Variants in PDXDC1 observed in about 807,000 individuals in gnomAD.
The protein encoded by PDXDC1 is pyridoxal dependent decarboxylase domain containing 1, also known as pyridoxal-dependent decarboxylase domain-containing protein 1.
PDXDC1 carries 42 observed loss-of-function variants against 100.1 expected under a neutral mutation model. The observed-to-expected ratio is 0.42, with a 90% CI of 0.33 to 0.54. PDXDC1 has a LOEUF of 0.54. Among genes scored for constraint, PDXDC1 ranks in the 20% least tolerant of loss-of-function variants. The probability of loss-of-function intolerance (pLI) is 0.10; values close to 1 mark genes in which losing one functional copy is unlikely to be tolerated. For synonymous variants in PDXDC1, 260 were observed against 371.7 expected, an observed-to-expected ratio of 0.70 and a Z score of 3.46; for missense variants, 636 against 979.2, an observed-to-expected ratio of 0.65 and a Z score of 4.68.
downstream of PDXDC1, among the ~76,000 whole-genome samples, chr16:15,042,853 C>A (rs1355710071): frequency 6.6e-6 from 1 of 151,790 alleles, no homozygotes; most frequent in Non-Finnish European, 1.5e-5. Flanking sequence ...CTGCCTCAGC[C>A]TCCTGAATAG....
rs1013876886 is a variant in PDXDC1, at chr16:15,037,120, T to G, written c.*845T>G. The G allele has an allele frequency of 6.6e-6, 1 of 152,228 alleles. No homozygotes were observed. Among genetic ancestry groups the G allele is most frequent in the South Asian group, 2.1e-4 (1 of 4,834 alleles). The allele number at this position is 152,228 out of a possible 1,614,324, so 9.4% of individuals were successfully genotyped here. ...TAAAATCTGAAAACAAGTACCCCTT[T>G]GACCTGTCTCCCACTGAAGCTTCTA... On this transcript the variant is annotated 3_prime_UTR_variant, in exon 23 of 23. Coordinates refer to ENST00000396410, the MANE Select transcript of PDXDC1 (RefSeq NM_015027.4).
chr16:14,993,968 TCG>T (rs774492083), intron 1 of PDXDC1, among the ~76,000 whole-genome samples: 4 of 152,304 alleles, frequency 2.6e-5, no homozygotes, highest in Non-Finnish European at 5.9e-5. Context: ...TTCATATCCT[TCG>T]CCCACTTTTT....
chr16:15,059,111 A>T (rs2044625007), intron 16 of PDXDC1, among the ~76,000 whole-genome samples: 1 of 152,188 alleles, frequency 6.6e-6, no homozygotes, highest in African/African-American at 2.4e-5. Flanking sequence ...CCTTCGAATC[A>T]CCAGGGGGCT....
At chr16:15,093,150 A>C (rs566019092) in intron 16 of PDXDC1, among the ~76,000 whole-genome samples, 1 of 152,126 alleles carries the variant, frequency 6.6e-6, no homozygotes, top group Non-Finnish European at 1.5e-5. Context: ...GATTACAGGC[A>C]CCTGCCACCA....
intron 16 of PDXDC1, chr16:15,083,385 T>A: frequency 7.0e-7 from 1 of 1,427,712 alleles, no homozygotes; most frequent in South Asian, 1.3e-5. Flanking sequence ...GGCGACAGAG[T>A]GAGACTCGGT....
At chr16:14,984,116 T>C (rs1304655629) in intron 1 of PDXDC1, among the ~76,000 whole-genome samples, 6 of 152,162 alleles carry the variant, frequency 3.9e-5, no homozygotes, top group Admixed American at 3.3e-4. Flanking sequence ...GGAGCCACGA[T>C]AGTGCCGCTG....
chr16:15,040,016 C>T, downstream of PDXDC1: 4 of 1,612,300 alleles, frequency 2.5e-6, no homozygotes, highest in Non-Finnish European at 3.4e-6. Flanking sequence ...TCCTCCGGAC[C>T]CCGATCTTGA....
At chr16:15,044,503 T>G in intron 16 of PDXDC1, 2 of 822,856 alleles carry the variant, frequency 2.4e-6, no homozygotes, top group Admixed American at 3.7e-5. Flanking sequence ...CCATGAACAC[T>G]TGCTCTACAG....
chr16:15,128,898 C>T (rs1186705246), intron 16 of PDXDC1, among the ~76,000 whole-genome samples: 18 of 149,858 alleles, frequency 1.2e-4, no homozygotes, highest in Non-Finnish European at 2.5e-4. Context: ...CTCCGCCTCC[C>T]GGGTTCACGC....
intron 3 of PDXDC1, among the ~76,000 whole-genome samples, chr16:14,998,820 G>A (rs1972552998): frequency 6.6e-6 from 1 of 152,278 alleles, no homozygotes; most frequent in Non-Finnish European, 1.5e-5. Context: ...TGAACACATA[G>A]CAAATTTAAA....
At chr16:15,112,222 T>C (rs2047096681) in intron 16 of PDXDC1, among the ~76,000 whole-genome samples, 2 of 148,454 alleles carry the variant, frequency 1.3e-5, no homozygotes, top group African/African-American at 4.9e-5. Flanking sequence ...GAGGTAGTCA[T>C]TGAAATGACT....
the PDXDC1 span, among the ~76,000 whole-genome samples, chr16:15,145,762 C>T: frequency 6.6e-6 from 1 of 152,278 alleles, no homozygotes; most frequent in Non-Finnish European, 1.5e-5. Flanking sequence ...TGCAGGGAGA[C>T]TGTGACGCCC....
At chr16:15,050,468 C>G (rs1737019852) in intron 16 of PDXDC1, among the ~76,000 whole-genome samples, 1 of 152,092 alleles carries the variant, frequency 6.6e-6, no homozygotes, top group African/African-American at 2.4e-5. Context: ...TGTGATGGCT[C>G]CCAACTGTAA....
At position 15,032,668 on chromosome 16, in the gene PDXDC1, A is replaced by AAAAAG. The variant is rs57542228; in HGVS notation, c.1572-192_1572-191insAAAGA. 63 of 380,174 alleles carry AAAAAG rather than the reference A, an allele frequency of 1.7e-4. 2 individuals are homozygous for AAAAAG. The highest frequency in any genetic ancestry group is 9.1e-4 in the African/African-American group (41 of 44,876). 23.6% of individuals were successfully genotyped at this position (380,174 alleles called of 1,614,324 possible). The stretch of plus-strand genomic sequence containing the variant: ...GACCCTGCTTTAAAAAAAAAAAAAA[A>AAAAAG]AGGCTTTCCTGTGACTTTCTCTTTA... On this transcript the variant is annotated intron_variant, in intron 17 of 22. Transcript: ENST00000396410.
At chr16:15,006,801 C>G (rs2040817644) in intron 6 of PDXDC1, among the ~76,000 whole-genome samples, 1 of 152,270 alleles carries the variant, frequency 6.6e-6, no homozygotes, top group African/African-American at 2.4e-5. Flanking sequence ...TCTCTTTTTT[C>G]CCAGACTTTA....
rs553016779 is a variant in PDXDC1 at position 15,131,727 on chromosome 16, C to T, written c.1400-7152C>T. ...GGTCTCCTGCAGACAGACGTGAGGT[C>T]AGTGCAGAGACAGGGAGGCAGAGGG... On this transcript the variant is annotated intron_variant, in intron 16 of 16. Coordinates refer to the PDXDC1 transcript ENST00000535621. The T allele has an allele frequency of 1.5e-5, 20 of 1,349,462 alleles. No homozygotes were observed. The African/African-American group carries it at 3.3e-4, about 22-fold the overall frequency. The allele number at this position is 1,349,462 out of a possible 1,614,324, so 83.6% of individuals were successfully genotyped here.
downstream of PDXDC1, chr16:15,040,147 C>A (rs1486205625): frequency 1.4e-6 from 1 of 737,506 alleles, no homozygotes; most frequent in Non-Finnish European, 2.4e-6. Context: ...TCTACCACCA[C>A]TCCTAAGAGA....
intron 16 of PDXDC1, among the ~76,000 whole-genome samples, chr16:15,074,101 C>T (rs1387468575): frequency 6.6e-6 from 1 of 152,066 alleles, no homozygotes; most frequent in South Asian, 2.1e-4. Context: ...AGAAATGTGG[C>T]CATTTAAATT....
At position 15,038,018 on chromosome 16, in the gene PDXDC1, T is replaced by TAATTCATGTTTTTTAACTTCC; in HGVS notation, c.*1744_*1764dup. ...CAGGCCAAGAAGGTGCTTTCTTTGG[T>TAATTCATGTTTTTTAACTTCC]AATTCATGTTTTTTAACTTCCTGGA... On this transcript the variant is annotated 3_prime_UTR_variant, in exon 23 of 23. Transcript: ENST00000396410. 6.2e-7 allele frequency: 1 copy of TAATTCATGTTTTTTAACTTCC among 1,603,800 alleles called. No individual in the cohort carries two copies. The highest frequency in any genetic ancestry group is 8.5e-7 in the Non-Finnish European group (1 of 1,174,068).
Sources: allele counts gnomAD v4.1 joint callset (sites outside exome capture counted in the v4.1 genomes callset), GRCh38; gene constraint gnomAD v4.1.1; transcripts MANE v1.5; gene names NCBI Gene and HGNC (gene_info 2026-07-23, HGNC 2026-07-21).